Variants in STAG1 observed in about 807,000 individuals in gnomAD.
The protein encoded by STAG1 is STAG1 cohesin complex component, also known as cohesin subunit SA-1.
STAG1 carries 26 observed loss-of-function variants against 170.9 expected under a neutral mutation model. That is an observed-to-expected ratio of 0.15 (90% CI 0.11 to 0.21). The LOEUF is 0.21. Among genes scored for constraint, STAG1 ranks in the 10% least tolerant of loss-of-function variants. The probability of loss-of-function intolerance (pLI) is 1.00; values close to 1 mark genes in which losing one functional copy is unlikely to be tolerated. For missense variants in STAG1, 964 were observed against 1,509.5 expected, an observed-to-expected ratio of 0.64 and a Z score of 5.99; for synonymous variants, 514 against 497.7, an observed-to-expected ratio of 1.03 and a Z score of -0.44.
In STAG1 at chr3:136,604,416, T is replaced by C. The variant is rs374139684; in HGVS notation, c.190A>G (p.Ile64Val). The change falls in exon 4 of 34, where the codon ATT (isoleucine) becomes GTT (valine). Residue 64 changes from isoleucine to valine, a missense_variant. By Grantham distance (29) the Ile-to-Val change is conservative. Around this residue, in one of 11 missense-constraint regions of STAG1, gnomAD observed 108 missense variants for 120.2 expected, o/e 0.90. Coordinates refer to ENST00000383202, the MANE Select transcript of STAG1 (RefSeq NM_005862.3). Reference sequence around the variant, plus strand: ...GCTCTTCCACGGCCTGCTCCTCTAATTCCAGCTTCAATTCTGCTCTTCTCA... The same window carrying C: ...GCTCTTCCACGGCCTGCTCCTCTAACTCCAGCTTCAATTCTGCTCTTCTCA... Reference protein sequence around the residue: ...PGEKSRIEAGIRGAGRGRANG... With the variant: ...PGEKSRIEAGVRGAGRGRANG... The C allele has an allele frequency of 1.9e-6, 3 of 1,613,762 alleles. No homozygotes were observed. Among genetic ancestry groups the C allele is most frequent in the Non-Finnish European group, 2.5e-6 (3 of 1,179,894 alleles).
At chr3:136,734,129 C>T (rs371672155) in intron 1 of STAG1, among the ~76,000 whole-genome samples, 1 of 140,920 alleles carries the variant, frequency 7.1e-6, no homozygotes, top group Non-Finnish European at 1.6e-5. Flanking sequence ...AAAAACAAAA[C>T]AAAACAAAAA....
chr3:136,467,619 G>C (rs911427710), intron 12 of STAG1, among the ~76,000 whole-genome samples: 1 of 152,088 alleles, frequency 6.6e-6, no homozygotes, highest in Admixed American at 6.6e-5. Context: ...AAGTTAAAAA[G>C]GATATCCAGG....
At chr3:136,415,722 C>T (rs556536720) in intron 21 of STAG1, among the ~76,000 whole-genome samples, 2 of 152,138 alleles carry the variant, frequency 1.3e-5, no homozygotes, top group South Asian at 2.1e-4. Context: ...CTCAGGCGGC[C>T]GAGGCGGAAG....
intron 3 of STAG1, among the ~76,000 whole-genome samples, chr3:136,615,608 C>G (rs1939551136): frequency 6.6e-6 from 1 of 151,200 alleles, no homozygotes; most frequent in Non-Finnish European, 1.5e-5. Flanking sequence ...GAAACCCCAT[C>G]TCTACTAAAA....
At chr3:136,467,545 C>A (rs1351949569) in intron 12 of STAG1, among the ~76,000 whole-genome samples, 2 of 152,094 alleles carry the variant, frequency 1.3e-5, no homozygotes, top group Admixed American at 6.5e-5. Flanking sequence ...GTTAGACTCC[C>A]ACACAATAAT....
chr3:136,349,141 T>C lies in STAG1; in HGVS notation c.3271+17A>G. On this transcript the variant is annotated intron_variant, in intron 29 of 33. Coordinates refer to ENST00000383202, the MANE Select transcript of STAG1 (RefSeq NM_005862.3). ...AAACCAGGCAAATTGTTTCTTATAGTGTAAAGGCAGACTTACCTTCTACTC... is the reference window on the plus strand; with the variant it reads ...AAACCAGGCAAATTGTTTCTTATAGCGTAAAGGCAGACTTACCTTCTACTC... 6.3e-7 allele frequency: 1 copy of C among 1,592,170 alleles called. No homozygotes were observed. Among genetic ancestry groups the C allele is most frequent in the Non-Finnish European group, 8.6e-7 (1 of 1,160,244 alleles).
intron 1 of STAG1, among the ~76,000 whole-genome samples, chr3:136,723,019 A>G (rs557010742): frequency 5.9e-4 from 90 of 152,324 alleles, no homozygotes; most frequent in South Asian, 5.0e-3. Context: ...GCTGGAGTGC[A>G]GTGGCGTGAT....
intron 5 of STAG1, among the ~76,000 whole-genome samples, chr3:136,566,880 A>C (rs1019762386): frequency 2.0e-5 from 3 of 152,254 alleles, no homozygotes; most frequent in Non-Finnish European, 4.4e-5. Flanking sequence ...ATTATTGTAC[A>C]TATACACAAA....
chr3:136,475,667 T>C (rs1423929277), intron 10 of STAG1, among the ~76,000 whole-genome samples: 3 of 152,198 alleles, frequency 2.0e-5, no homozygotes, highest in African/African-American at 4.8e-5. Context: ...GTTCCTGACG[T>C]AGGACAGCAG....
intron 4 of STAG1, among the ~76,000 whole-genome samples, chr3:136,584,631 A>G (rs1243927516): frequency 1.3e-5 from 2 of 152,210 alleles, no homozygotes; most frequent in African/African-American, 4.8e-5. Flanking sequence ...ATTCTTATTG[A>G]AGATACATCC....
intron 1 of STAG1, among the ~76,000 whole-genome samples, chr3:136,714,935 T>TAAAATATA (rs1167683540): frequency 1.1e-4 from 6 of 56,576 alleles, no homozygotes; most frequent in African/African-American, 5.5e-4. Flanking sequence ...AATATATATA[T>TAAAATATA]TAAATATATA....
chr3:136,349,124 C>G (rs768145540), intron 29 of STAG1, 34 bp downstream of exon 29: 17 of 1,502,462 alleles, frequency 1.1e-5, no homozygotes, highest in Non-Finnish European at 1.6e-5. Flanking sequence ...TAAAACCAGG[C>G]AAATTGTTTC....
intron 9 of STAG1, among the ~76,000 whole-genome samples, chr3:136,495,683 T>C (rs1269198554): frequency 4.0e-5 from 6 of 150,944 alleles, no homozygotes; most frequent in African/African-American, 1.2e-4. Flanking sequence ...AAATACAAAA[T>C]TAGGGCCGGG....
intron 7 of STAG1, among the ~76,000 whole-genome samples, chr3:136,509,816 T>C (rs1422947376): frequency 6.6e-6 from 1 of 152,168 alleles, no homozygotes; most frequent in Non-Finnish European, 1.5e-5. Context: ...AACATAAAAC[T>C]GAAAAGTAAA....
intron 4 of STAG1, among the ~76,000 whole-genome samples, chr3:136,602,394 AAAG>A (rs1453167864): frequency 2.0e-5 from 3 of 151,882 alleles, no homozygotes; most frequent in African/African-American, 4.8e-5. Flanking sequence ...AAAAAAAAAA[AAAG>A]AGAGAGAGAG....
intron 1 of STAG1, among the ~76,000 whole-genome samples, chr3:136,644,614 G>T (rs1484212663): frequency 6.6e-6 from 1 of 152,148 alleles, no homozygotes; most frequent in Non-Finnish European, 1.5e-5. Context: ...ACAATGATCA[G>T]ATTTAATGCA....
intron 9 of STAG1, among the ~76,000 whole-genome samples, chr3:136,498,284 TACACACAC>T (rs71157390): frequency 2.6e-4 from 23 of 87,068 alleles, no homozygotes; most frequent in East Asian, 1.7e-3. Context: ...CACACACACA[TACACACAC>T]ACACACACAC....
chr3:136,634,184 C>T (rs908946295), intron 1 of STAG1, among the ~76,000 whole-genome samples: 4 of 151,102 alleles, frequency 2.6e-5, no homozygotes, highest in Admixed American at 1.3e-4. Flanking sequence ...TTTAAAAAGG[C>T]AAAAACAAAA....
chr3:136,525,531 CT>C (rs1934966541), intron 6 of STAG1, among the ~76,000 whole-genome samples: 1 of 151,970 alleles, frequency 6.6e-6, no homozygotes, highest in African/African-American at 2.4e-5. Context: ...TGTTGTTGAT[CT>C]TTTCAAAAAA....
Sources: allele counts gnomAD v4.1 joint callset (sites outside exome capture counted in the v4.1 genomes callset), GRCh38; gene constraint gnomAD v4.1.1; regional missense constraint gnomAD v4.1.1; transcripts MANE v1.5; gene names NCBI Gene and HGNC (gene_info 2026-07-23, HGNC 2026-07-21).